Variants in KLF8 observed in about 807,000 individuals in gnomAD.
KLF8 encodes KLF transcription factor 8, also known as Krueppel-like factor 8.
A neutral mutation model predicts 18.2 loss-of-function variants in KLF8; 10 were observed. The ratio of observed to expected loss-of-function variants is 0.55; its 90% CI spans 0.34 to 0.93. The LOEUF (loss-of-function observed/expected upper bound fraction) is 0.93. Among genes scored for constraint, KLF8 ranks in the 40% least tolerant of loss-of-function variants. KLF8 has a pLI of 0.02. For synonymous variants in KLF8, 109 were observed against 97.3 expected, an observed-to-expected ratio of 1.12 and a Z score of -0.71; for missense variants, 264 against 277.9, an observed-to-expected ratio of 0.95 and a Z score of 0.36.
At chrX:55,988,567 G>A in the KLF8 span, among the ~76,000 whole-genome samples, 2 of 111,301 alleles carry the variant, frequency 1.8e-5, no homozygotes, top group Admixed American at 1.9e-4. Context: ...CTATATCTCT[G>A]TTTTGGTACC....
chrX:56,161,773 C>G, the KLF8 span, among the ~76,000 whole-genome samples: 1 of 112,113 alleles, frequency 8.9e-6, no homozygotes, highest in Non-Finnish European at 1.9e-5. Context: ...CTCAACTCGT[C>G]AAAGTCATTC....
the KLF8 span, among the ~76,000 whole-genome samples, chrX:56,062,405 C>T: frequency 9.0e-6 from 1 of 111,536 alleles, no homozygotes; most frequent in Non-Finnish European, 1.9e-5. Flanking sequence ...TCAACATTTG[C>T]TTGTCCATAA....
chrX:56,048,885 T>G, the KLF8 span, among the ~76,000 whole-genome samples: 2 of 112,003 alleles, frequency 1.8e-5, no homozygotes, highest in African/African-American at 6.5e-5. Flanking sequence ...TGATATTGAT[T>G]CTTCCTACCC....
chrX:56,096,498 A>T, the KLF8 span, among the ~76,000 whole-genome samples: 328 of 111,900 alleles, frequency 2.9e-3, no homozygotes, highest in African/African-American at 0.01. Context: ...TAAAATGAAA[A>T]TGAAAATACA....
chrX:56,114,370 C>T, the KLF8 span, among the ~76,000 whole-genome samples: 1 of 112,913 alleles, frequency 8.9e-6, no homozygotes, highest in Non-Finnish European at 1.9e-5. Context: ...GACCCAAGGA[C>T]CTCCTCTAGT....
chrX:55,975,610 T>C, the KLF8 span, among the ~76,000 whole-genome samples: 1 of 111,311 alleles, frequency 9.0e-6, no homozygotes, highest in African/African-American at 3.3e-5. Flanking sequence ...TTTCGCAAAA[T>C]AGTGTTTTTC....
the KLF8 span, among the ~76,000 whole-genome samples, chrX:55,942,543 A>C: frequency 9.0e-6 from 1 of 111,658 alleles, no homozygotes; most frequent in Admixed American, 9.5e-5. Context: ...TAAAAAAAGA[A>C]TCTAGTCAAC....
chrX:56,109,679 T>A, the KLF8 span, among the ~76,000 whole-genome samples: 1 of 112,174 alleles, frequency 8.9e-6, no homozygotes, highest in Non-Finnish European at 1.9e-5. Flanking sequence ...TGTGCATGCA[T>A]GTTTATAATT....
chrX:56,037,685 G>C, the KLF8 span, among the ~76,000 whole-genome samples: 1 of 105,216 alleles, frequency 9.5e-6, no homozygotes, highest in Non-Finnish European at 2.0e-5. Context: ...TTTAATTTTT[G>C]TGTTTACATA....
At chrX:55,913,738 A>G in the KLF8 span, among the ~76,000 whole-genome samples, 11 of 111,955 alleles carry the variant, frequency 9.8e-5, no homozygotes, top group Non-Finnish European at 1.9e-4. Flanking sequence ...ATGAATACAG[A>G]GTAGAGGGGA....
intron 2 of KLF8, among the ~76,000 whole-genome samples, chrX:56,263,505 ACG>A (rs1178752542): frequency 1.5e-5 from 1 of 66,291 alleles, no homozygotes; most frequent in African/African-American, 3.4e-5. Context: ...TGTGTTTTTG[ACG>A]CAGAGTCTTG....
At chrX:55,945,197 A>T in the KLF8 span, among the ~76,000 whole-genome samples, 1 of 111,031 alleles carries the variant, frequency 9.0e-6, no homozygotes, top group Non-Finnish European at 1.9e-5. Context: ...TCTGAGAGAC[A>T]GTTTGTTAAA....
the KLF8 span, among the ~76,000 whole-genome samples, chrX:56,186,264 C>A: frequency 9.0e-6 from 1 of 111,015 alleles, no homozygotes; most frequent in African/African-American, 3.3e-5. Flanking sequence ...CAACAAAGAT[C>A]AAAAGAGACA....
the KLF8 span, among the ~76,000 whole-genome samples, chrX:56,005,773 G>T: frequency 8.9e-6 from 1 of 112,325 alleles, no homozygotes; most frequent in African/African-American, 3.2e-5. Flanking sequence ...GTGGCTGTGG[G>T]TGATAGCATG....
At chrX:56,180,287 G>C in the KLF8 span, among the ~76,000 whole-genome samples, 2 of 111,980 alleles carry the variant, frequency 1.8e-5, no homozygotes, top group South Asian at 7.4e-4. Flanking sequence ...AGCATTCTCT[G>C]ATGGTAGTTT....
At chrX:55,949,559 C>T in the KLF8 span, among the ~76,000 whole-genome samples, 2 of 109,868 alleles carry the variant, frequency 1.8e-5, no homozygotes, top group African/African-American at 6.6e-5. Flanking sequence ...TTTGGGAGGC[C>T]GAGGGGGTGG....
At chrX:56,231,408 C>T (rs980285696), upstream of KLF8, among the ~76,000 whole-genome samples, 1 of 111,761 alleles carries the variant, frequency 8.9e-6, no homozygotes, top group Non-Finnish European at 1.9e-5. Flanking sequence ...GTACCTAGTT[C>T]CCAGGGTTGT....
the KLF8 span, among the ~76,000 whole-genome samples, chrX:56,181,553 T>G: frequency 1.8e-5 from 2 of 112,098 alleles, no homozygotes; most frequent in Non-Finnish European, 3.8e-5. Context: ...AGTTTCTTCC[T>G]AGCATCAGTG....
At chrX:56,072,330 C>T in the KLF8 span, among the ~76,000 whole-genome samples, 2 of 111,730 alleles carry the variant, frequency 1.8e-5, no homozygotes, top group East Asian at 5.6e-4. Flanking sequence ...AAAGCCTCAA[C>T]CAGCTCCAAG....
Sources: allele counts gnomAD v4.1 joint callset (sites outside exome capture counted in the v4.1 genomes callset), GRCh38; gene constraint gnomAD v4.1.1; transcripts MANE v1.5; gene names NCBI Gene and HGNC (gene_info 2026-07-23, HGNC 2026-07-21).